The following LINGO2 variants were observed in gnomAD, a reference collection of about 807,000 sequenced individuals.
The protein encoded by LINGO2 is leucine rich repeat and Ig domain containing 2, also known as leucine-rich repeat and immunoglobulin-like domain-containing nogo receptor-interacting protein 2.
In LINGO2, 14 loss-of-function variants were observed where a neutral mutation model predicts 30.6. The ratio of observed to expected loss-of-function variants is 0.46; its 90% CI spans 0.30 to 0.72. LINGO2 has a LOEUF of 0.72. Ranked by LOEUF, LINGO2 falls within the 30% of genes least tolerant of loss-of-function variation. The pLI is 0.07. For synonymous variants in LINGO2, 317 were observed against 288.5 expected (o/e 1.10, Z -1.00); for missense variants, 729 against 751.7 (o/e 0.97, Z 0.35).
rs1184883619 is a variant in LINGO2, at chr9:28,097,646, G to A, written c.-86-85241C>T. Among the ~76,000 whole-genome samples the A allele has an allele frequency of 2.1e-3, 273 of 130,954 alleles. 1 individual carries two copies. The highest frequency in any genetic ancestry group is 7.7e-3 in the African/African-American group (268 of 34,626). The allele number at this position is 130,954 out of a possible 152,430, so 85.9% of individuals were successfully genotyped here. A position where few individuals can be genotyped will look rare whatever the true frequency, so the allele number is the denominator to read the frequency against. On this transcript the variant is annotated intron_variant, in intron 4 of 5. Transcript: ENST00000379992. The stretch of plus-strand genomic sequence containing the variant: ...TGGGAATTGAACAATGAGATCACAT[G>A]GACACAGGAAGGGGAATATCACACT...
At chr9:28,970,647 G>C in the LINGO2 span, among the ~76,000 whole-genome samples, 1 of 152,124 alleles carries the variant, frequency 6.6e-6, no homozygotes, top group Non-Finnish European at 1.5e-5. Flanking sequence ...AACTAGACCA[G>C]ACTCAGCTGA....
the LINGO2 span, among the ~76,000 whole-genome samples, chr9:28,747,310 C>T: frequency 6.6e-6 from 1 of 151,964 alleles, no homozygotes; most frequent in Non-Finnish European, 1.5e-5. Flanking sequence ...GGAAGATCAT[C>T]TTCGCACCCC....
intron 3 of LINGO2, among the ~76,000 whole-genome samples, chr9:28,367,483 C>G (rs1357052977): frequency 1.3e-5 from 2 of 151,818 alleles, no homozygotes; most frequent in African/African-American, 4.8e-5. Context: ...AATGTTATCT[C>G]CTTCTTATAT....
the LINGO2 span, among the ~76,000 whole-genome samples, chr9:28,956,925 G>T: frequency 6.6e-6 from 1 of 151,404 alleles, no homozygotes; most frequent in Non-Finnish European, 1.5e-5. Context: ...GCCATCTCTT[G>T]GGATGATAAC....
the LINGO2 span, among the ~76,000 whole-genome samples, chr9:29,174,942 C>A: frequency 6.6e-6 from 1 of 152,094 alleles, no homozygotes; most frequent in Non-Finnish European, 1.5e-5. Flanking sequence ...TGTGTCAGAT[C>A]TTTTAGTTCT....
intron 2 of LINGO2, among the ~76,000 whole-genome samples, chr9:28,438,197 G>C (rs1824031459): frequency 6.6e-6 from 1 of 152,086 alleles, no homozygotes; most frequent in South Asian, 2.1e-4. Context: ...TGAATTTTAT[G>C]GGTCAATTTG....
chr9:28,033,710 C>T (rs1823794464), intron 4 of LINGO2, among the ~76,000 whole-genome samples: 1 of 152,108 alleles, frequency 6.6e-6, no homozygotes, highest in Non-Finnish European at 1.5e-5. Context: ...TTAATACCAT[C>T]CTTACAAAGC....
chr9:28,306,984 G>A (rs1340923910), intron 3 of LINGO2, among the ~76,000 whole-genome samples: 1 of 151,912 alleles, frequency 6.6e-6, no homozygotes, highest in African/African-American at 2.4e-5. Context: ...ATTCACAGCC[G>A]AATTCTACCA....
intron 1 of LINGO2, among the ~76,000 whole-genome samples, chr9:28,665,864 G>T (rs1588046035): frequency 6.6e-6 from 1 of 150,620 alleles, no homozygotes; most frequent in East Asian, 1.9e-4. Context: ...TTTATGATGA[G>T]TACCAGACCA....
chr9:28,027,172 T>G (rs1823420621), intron 4 of LINGO2, among the ~76,000 whole-genome samples: 1 of 152,242 alleles, frequency 6.6e-6, no homozygotes, highest in Non-Finnish European at 1.5e-5. Context: ...TAGAAGCACT[T>G]AAATGGATTT....
the LINGO2 span, among the ~76,000 whole-genome samples, chr9:29,121,726 T>C: frequency 6.6e-6 from 1 of 152,076 alleles, no homozygotes; most frequent in Non-Finnish European, 1.5e-5. Context: ...TGTCATGACA[T>C]CTCAGAACGG....
At chr9:28,892,848 T>G in the LINGO2 span, among the ~76,000 whole-genome samples, 1 of 152,026 alleles carries the variant, frequency 6.6e-6, no homozygotes, top group Non-Finnish European at 1.5e-5. Flanking sequence ...ATGACGAAAA[T>G]GTTTAAAACT....
At chr9:28,869,139 C>A in the LINGO2 span, among the ~76,000 whole-genome samples, 10 of 151,858 alleles carry the variant, frequency 6.6e-5, no homozygotes, top group Non-Finnish European at 8.8e-5. Context: ...TCTAATTATC[C>A]ATTCATCAAA....
intron 3 of LINGO2, among the ~76,000 whole-genome samples, chr9:28,360,174 ATTATT>A (rs1437159206): frequency 1.3e-5 from 2 of 152,224 alleles, no homozygotes; most frequent in South Asian, 2.1e-4. Flanking sequence ...CATATAATGT[ATTATT>A]TTATTAAGTA....
intron 5 of LINGO2, among the ~76,000 whole-genome samples, chr9:27,968,864 A>T (rs1360209675): frequency 6.6e-6 from 1 of 151,618 alleles, no homozygotes; most frequent in East Asian, 1.9e-4. Flanking sequence ...CATTTATAAT[A>T]TATAATTGTA....
At chr9:29,200,418 T>A in the LINGO2 span, among the ~76,000 whole-genome samples, 1 of 152,128 alleles carries the variant, frequency 6.6e-6, no homozygotes, top group Admixed American at 6.6e-5. Context: ...TCTTTTTCAG[T>A]GATACAGAAA....
At position 28,134,233 on chromosome 9, in the gene LINGO2, T is replaced by G. The variant is rs574552052; in HGVS notation, c.-86-121828A>C. The stretch of plus-strand genomic sequence containing the variant: ...TGTCCCCAAACAACCCATTTTTCAC[T>G]TAGCAGCCACAGTGATCATTAAAAA... On this transcript the variant is annotated intron_variant, in intron 4 of 5. Coordinates refer to ENST00000379992, the Ensembl canonical transcript of LINGO2. 1.8e-4 allele frequency among the ~76,000 whole-genome samples: 28 copies of G among 151,562 alleles called. No homozygotes were observed. In the South Asian group the frequency reaches 5.8e-3, roughly 31 times the overall value.
At chr9:28,630,686 G>C (rs1178938820) in intron 1 of LINGO2, among the ~76,000 whole-genome samples, 1 of 151,956 alleles carries the variant, frequency 6.6e-6, no homozygotes, top group East Asian at 1.9e-4. Flanking sequence ...CAGAGATGAG[G>C]CTTGCAAAGA....
At chr9:29,012,324 C>T in the LINGO2 span, among the ~76,000 whole-genome samples, 1 of 151,690 alleles carries the variant, frequency 6.6e-6, no homozygotes, top group African/African-American at 2.4e-5. Flanking sequence ...CACCACTGCA[C>T]ACCAGTCTGG....
Sources: gnomAD v4.1 joint callset for allele counts (sites outside exome capture counted in the v4.1 genomes callset) on GRCh38, gnomAD v4.1.1 for gene constraint, MANE v1.5 for transcripts, NCBI Gene and HGNC (gene_info 2026-07-23, HGNC 2026-07-21) for gene names.